The following TPP2 variants were observed in gnomAD, a reference collection of about 807,000 sequenced individuals.
The protein encoded by TPP2 is tripeptidyl-peptidase 2.
A neutral mutation model predicts 155.9 loss-of-function variants in TPP2; 34 were observed. That is an observed-to-expected ratio of 0.22 (90% CI 0.17 to 0.29). TPP2 has a LOEUF of 0.29. TPP2 is among the 10% of genes least tolerant of loss of function. The pLI, the probability that TPP2 is intolerant of heterozygous loss-of-function variation, is 1.00. For missense variants in TPP2, 1,028 were observed against 1,522.3 expected (o/e 0.68, Z 5.40); for synonymous variants, 510 against 529.4 (o/e 0.96, Z 0.50).
chr13:102,647,135 TA>T, intron 20 of TPP2, 71 bp from the exon 21 acceptor site: 2 of 1,460,776 alleles, frequency 1.4e-6, no homozygotes, highest in South Asian at 2.9e-5. Context: ...CTCATGTCAA[TA>T]ACAATATTAA....
chr13:102,619,636 G>A (rs1453871083), intron 5 of TPP2, among the ~76,000 whole-genome samples: 1 of 152,162 alleles, frequency 6.6e-6, no homozygotes, highest in Non-Finnish European at 1.5e-5. Context: ...CTCCTCCCAC[G>A]TGTGCAGGTA....
At chr13:102,628,607 G>A (rs2139482273) in intron 8 of TPP2, among the ~76,000 whole-genome samples, 1 of 152,144 alleles carries the variant, frequency 6.6e-6, no homozygotes, top group Non-Finnish European at 1.5e-5. Context: ...TCATGGCCTT[G>A]ACCTAATGTT....
Position 102,679,367 on chromosome 13 carries a change from T to G in TPP2, c.*1051T>G, listed in dbSNP as rs1885491458. ...TATCTAACTTTTTATTATTTTTATC[T>G]TTGGCTACTGCACGTGCATCTCTCG... On this transcript the variant is annotated 3_prime_UTR_variant, in exon 30 of 30. Transcript: ENST00000376052. The G allele has an allele frequency of 1.3e-5, 2 of 152,214 alleles. No individual in the cohort carries two copies. Among genetic ancestry groups the G allele is most frequent in the Non-Finnish European group, 2.9e-5 (2 of 68,038 alleles). 9.4% of individuals were successfully genotyped at this position (152,214 alleles called of 1,614,324 possible). A position where few individuals can be genotyped will look rare whatever the true frequency, so the allele number is the denominator to read the frequency against.
chr13:102,626,982 T>C, intron 6 of TPP2, 30 bp from the exon 7 acceptor site: 1 of 1,487,332 alleles, frequency 6.7e-7, no homozygotes, highest in Non-Finnish European at 8.9e-7. Context: ...ATGAGAATGT[T>C]TTGTCATTTC....
intron 2 of TPP2, 133 bp downstream of exon 2, chr13:102,605,054 G>T: frequency 1.5e-6 from 2 of 1,356,560 alleles, no homozygotes; most frequent in African/African-American, 1.5e-5. Flanking sequence ...AGAACATCCT[G>T]GTTTAAAATG....
chr13:102,660,422 G>A (rs1268832663), intron 25 of TPP2, among the ~76,000 whole-genome samples: 1 of 127,194 alleles, frequency 7.9e-6, no homozygotes, highest in South Asian at 2.4e-4. Flanking sequence ...AATAAAATGT[G>A]TAGGAACATG....
intron 28 of TPP2, among the ~76,000 whole-genome samples, chr13:102,675,741 C>T (rs1453155450): frequency 6.6e-6 from 1 of 152,114 alleles, no homozygotes; most frequent in Non-Finnish European, 1.5e-5. Context: ...GTGTCTATGG[C>T]AACAATTGTT....
intron 17 of TPP2, 51 bp downstream of exon 17, chr13:102,643,427 G>A: frequency 6.6e-7 from 1 of 1,505,812 alleles, no homozygotes; most frequent in South Asian, 1.4e-5. Flanking sequence ...TGCCTTTTTG[G>A]TATGGGCTAA....
intron 1 of TPP2, among the ~76,000 whole-genome samples, chr13:102,601,357 C>T (rs984136463): frequency 6.6e-6 from 1 of 152,162 alleles, no homozygotes; most frequent in Non-Finnish European, 1.5e-5. Flanking sequence ...GCAAACTTCC[C>T]GCCATTTGTT....
At chr13:102,643,778 T>C (rs1882920185) in intron 17 of TPP2, among the ~76,000 whole-genome samples, 1 of 152,258 alleles carries the variant, frequency 6.6e-6, no homozygotes, top group South Asian at 2.1e-4. Flanking sequence ...AAACTGCTAC[T>C]GCTTCATGTC....
chr13:102,657,139 A>G lies in TPP2; in HGVS notation c.3075A>G (p.Glu1025=). 6.2e-7 allele frequency: 1 copy of G among 1,600,368 alleles called. No homozygotes were observed. Among genetic ancestry groups the G allele is most frequent in the Non-Finnish European group, 8.5e-7 (1 of 1,176,302 alleles). ...GCAAAGATAAGGAAAAAGATTCAGA[A>G]AAAGAGAAAGATTTAAAAGAAGAGT... ...NGSKDKEKDS[E]KEKDLKEEFT... Residue 1025 remains glutamate, a synonymous_variant, in exon 25 of 30, where the codon GAA becomes GAG. Coordinates refer to ENST00000376052, the MANE Select transcript of TPP2 (RefSeq NM_001330588.2).
chr13:102,676,486 G>A, intron 29 of TPP2, 71 bp downstream of exon 29: 9 of 1,557,888 alleles, frequency 5.8e-6, no homozygotes, highest in Non-Finnish European at 7.9e-6. Context: ...AACTAGAAAG[G>A]ATTAGGACTG....
chr13:102,622,791 G>T (rs1881255899), intron 5 of TPP2, 86 bp from the exon 6 acceptor site: 2 of 1,420,360 alleles, frequency 1.4e-6, no homozygotes, highest in Admixed American at 4.4e-5. Context: ...TAGTAGTATA[G>T]TAAAATAGTG....
chr13:102,618,995 A>G, intron 5 of TPP2, 149 bp downstream of exon 5: 4 of 934,736 alleles, frequency 4.3e-6, no homozygotes, highest in Non-Finnish European at 5.9e-6. Context: ...GCATCTGGGT[A>G]GTTTTGGACA....
chr13:102,599,899 T>G (rs1485600248), intron 1 of TPP2, among the ~76,000 whole-genome samples: 1 of 151,782 alleles, frequency 6.6e-6, no homozygotes, highest in East Asian at 1.9e-4. Flanking sequence ...TAGACCAGAA[T>G]ATATGTATGC....
chr13:102,627,804 T>G (rs1251438700), intron 7 of TPP2, 44 bp from the exon 8 acceptor site: 3 of 1,436,066 alleles, frequency 2.1e-6, no homozygotes, highest in Non-Finnish European at 2.0e-6. Flanking sequence ...CTAATCTGTT[T>G]CTGTAAATTG....
chr13:102,616,304 A>G, intron 3 of TPP2, 92 bp from the exon 4 acceptor site: 1 of 1,057,184 alleles, frequency 9.5e-7, no homozygotes, highest in Non-Finnish European at 1.4e-6. Flanking sequence ...TAGTATCACA[A>G]CTGTACCAAC....
intron 25 of TPP2, among the ~76,000 whole-genome samples, chr13:102,663,132 T>TTATTTACTTA (rs149378137): frequency 6.6e-6 from 1 of 150,496 alleles, no homozygotes; most frequent in African/African-American, 2.4e-5. Context: ...ATTTATTTAT[T>TTATTTACTTA]TTTTTTAATT....
At chr13:102,670,357 G>A (rs1445138486) in intron 27 of TPP2, among the ~76,000 whole-genome samples, 2 of 152,180 alleles carry the variant, frequency 1.3e-5, no homozygotes, top group Non-Finnish European at 1.5e-5. Context: ...GACTTCCGAT[G>A]ACATCACGGT....
Sources: gnomAD v4.1 joint callset for allele counts (sites outside exome capture counted in the v4.1 genomes callset) on GRCh38, gnomAD v4.1.1 for gene constraint, MANE v1.5 for transcripts, NCBI Gene and HGNC (gene_info 2026-07-23, HGNC 2026-07-21) for gene names.